NUP205: variants seen among roughly 807,000 people sequenced by gnomAD.
The protein encoded by NUP205 is nucleoporin 205.
Under a neutral mutation model 253.8 loss-of-function variants are expected in NUP205, and 76 were observed. The ratio of observed to expected loss-of-function variants is 0.30; its 90% CI spans 0.25 to 0.36. The LOEUF (loss-of-function observed/expected upper bound fraction) is 0.36. Ranked by LOEUF, NUP205 falls within the 10% of genes least tolerant of loss-of-function variation. The probability of loss-of-function intolerance (pLI) is 1.00; values close to 1 mark genes in which losing one functional copy is unlikely to be tolerated. For missense variants in NUP205, 2,162 were observed against 2,425.5 expected, an observed-to-expected ratio of 0.89 and a Z score of 2.28; for synonymous variants, 832 against 850.1, an observed-to-expected ratio of 0.98 and a Z score of 0.37.
Position 135,618,564 on chromosome 7 carries a change from A to G in NUP205, c.3924A>G (p.Gln1308=). The G allele has an allele frequency of 6.2e-7, 1 of 1,611,476 alleles. No homozygotes were observed. The highest frequency in any genetic ancestry group is 8.5e-7 in the Non-Finnish European group (1 of 1,178,738). The change falls in exon 28 of 43, where the codon CAA becomes CAG. Residue 1308 remains glutamine, a synonymous_variant. Coordinates refer to ENST00000285968, the MANE Select transcript of NUP205 (RefSeq NM_015135.3). ...ACCTCATTCAGGCAGAGGATCGACA[A>G]CTGATTATTCGTGATATTTTACAAG... The part of the protein sequence containing the change: ...PQDLIQAEDR[Q]LIIRDILQDV...
At chr7:135,606,938 A>AC in intron 21 of NUP205, 23 bp downstream of exon 21, 1 of 1,601,420 alleles carries the variant, frequency 6.2e-7, no homozygotes, top group Non-Finnish European at 8.5e-7. Flanking sequence ...ACATAAAGGC[A>AC]TTTCTTTCCT....
chr7:135,566,617 G>A (rs761930515), intron 1 of NUP205, among the ~76,000 whole-genome samples: 2 of 152,124 alleles, frequency 1.3e-5, no homozygotes, highest in African/African-American at 2.4e-5. Context: ...AAGACCTGAC[G>A]CTTTGCATCC....
At position 135,619,814 on chromosome 7, in the gene NUP205, C is replaced by T. The variant is rs1794437224; in HGVS notation, c.4256C>T (p.Thr1419Ile). Residue 1419 changes from threonine to isoleucine, a missense_variant, in exon 30 of 43, where the codon ACT (threonine) becomes ATT (isoleucine). Around this residue, in one of 5 missense-constraint regions of NUP205, gnomAD observed 1,144 missense variants for 1,280.9 expected, o/e 0.89. Transcript: ENST00000285968. Reference sequence around the variant, plus strand: ...GGTGGTGGATTCCAACGAGTGAGGACTCACTTGTATGGCTCTCTGCTTTAT... The same window carrying T: ...GGTGGTGGATTCCAACGAGTGAGGATTCACTTGTATGGCTCTCTGCTTTAT... ...KTGGGFQRVRTHLYGSLLYYL... is the reference protein window; with the variant it reads ...KTGGGFQRVRIHLYGSLLYYL... 6.2e-7 allele frequency: 1 copy of T among 1,613,298 alleles called. No homozygotes were observed. The highest frequency in any genetic ancestry group is 1.7e-5 in the Admixed American group (1 of 59,914).
chr7:135,574,384 G>T (rs2129489798), intron 3 of NUP205, among the ~76,000 whole-genome samples: 1 of 152,264 alleles, frequency 6.6e-6, no homozygotes, highest in Admixed American at 6.5e-5. Flanking sequence ...ATATAGAGAG[G>T]TGGAGGCTGG....
intron 1 of NUP205, among the ~76,000 whole-genome samples, chr7:135,561,329 G>A (rs1197949970): frequency 6.6e-6 from 1 of 152,138 alleles, no homozygotes; most frequent in Non-Finnish European, 1.5e-5. Flanking sequence ...AGGCAACAGA[G>A]CGAGACTCTG....
chr7:135,610,529 G>A (rs988788758), intron 22 of NUP205, among the ~76,000 whole-genome samples: 1 of 152,064 alleles, frequency 6.6e-6, no homozygotes, highest in African/African-American at 2.4e-5. Context: ...CATAACATAT[G>A]CTCTGTGACC....
chr7:135,604,362 A>G lies in NUP205; in HGVS notation c.2725A>G (p.Asn909Asp). The G allele has an allele frequency of 6.2e-7, 1 of 1,611,748 alleles. No individual in the cohort carries two copies. Among genetic ancestry groups the G allele is most frequent in the Non-Finnish European group, 8.5e-7 (1 of 1,178,992 alleles). The change falls in exon 19 of 43, where the codon AAT (asparagine) becomes GAT (aspartate). Residue 909 changes from asparagine (N) to aspartate (D), a missense_variant. Around this residue, in one of 5 missense-constraint regions of NUP205, gnomAD observed 892 missense variants for 957.1 expected, o/e 0.93. Transcript: ENST00000285968. The part of the protein sequence containing the change: ...IARYLYHGNT[N>D]PELAFESAKI... ...AAGATACCTATATCATGGCAATACT[A>G]ATCCAGAATTGGCTTTTGAAAGTGC...
intron 28 of NUP205, 114 bp from the exon 29 acceptor site, chr7:135,619,309 T>C (rs1794424337): frequency 1.7e-6 from 2 of 1,143,140 alleles, no homozygotes; most frequent in Admixed American, 4.5e-5. Context: ...GCTACTGCAC[T>C]CCAGCCTCGG....
intron 1 of NUP205, among the ~76,000 whole-genome samples, chr7:135,569,275 G>A (rs1031064690): frequency 3.9e-5 from 6 of 152,126 alleles, no homozygotes; most frequent in Non-Finnish European, 8.8e-5. Context: ...GTTTCACCAT[G>A]TAGGCCAGGC....
intron 7 of NUP205, 28 bp downstream of exon 7, chr7:135,578,943 T>C (rs1470220963): frequency 6.4e-7 from 1 of 1,555,560 alleles, no homozygotes; most frequent in Non-Finnish European, 8.7e-7. Flanking sequence ...AATTTTGTTA[T>C]GAGAAACAGC....
rs767041188 is a variant in NUP205 at position 135,619,425 on chromosome 7, A to G, written c.3966A>G (p.Ile1322Met). Residue 1322 changes from isoleucine to methionine, a missense_variant and splice_region_variant, in exon 29 of 43, where the codon ATA becomes ATG. Coordinates refer to ENST00000285968, the MANE Select transcript of NUP205 (RefSeq NM_015135.3). ...CTAATTTGCCCTTGTCCTTTAAGAT[A>G]CTGGATGATGAAGCTGCGCAAGAGT... is the stretch of plus-strand genomic sequence containing the variant. ...RDILQDVHDK[I>M]LDDEAAQELM... The G allele has an allele frequency of 1.9e-6, 3 of 1,612,232 alleles. No individual in the cohort carries two copies. In the East Asian group the frequency reaches 6.7e-5, roughly 36 times the overall value.
chr7:135,600,994 A>G, intron 16 of NUP205, 25 bp downstream of exon 16: 1 of 1,261,338 alleles, frequency 7.9e-7, no homozygotes, highest in Non-Finnish European at 1.2e-6. Flanking sequence ...TCACTTTCAA[A>G]CAAGTTGTCA....
In NUP205 at chr7:135,576,966, C is replaced by T. The variant is rs1299524286; in HGVS notation, c.489-3C>T. 7 of 1,603,950 alleles carry T rather than the reference C, an allele frequency of 4.4e-6. No individual in the cohort carries two copies. The highest frequency in any genetic ancestry group is 1.8e-5 in the Admixed American group (1 of 56,560). On this transcript the variant is annotated splice_region_variant and splice_polypyrimidine_tract_variant and intron_variant, in intron 4 of 42. Coordinates refer to ENST00000285968, the MANE Select transcript of NUP205 (RefSeq NM_015135.3). ...GTAGTTTATTGATTTCTTTTCATTA[C>T]AGTCCAGAGCTGGCTTCCATGACAA...
At chr7:135,565,573 C>T (rs1805732740) in intron 1 of NUP205, among the ~76,000 whole-genome samples, 1 of 152,018 alleles carries the variant, frequency 6.6e-6, no homozygotes, top group Non-Finnish European at 1.5e-5. Context: ...GCTGGGATTA[C>T]AGGCACCTGC....
intron 34 of NUP205, among the ~76,000 whole-genome samples, chr7:135,629,692 A>C (rs910988237): frequency 6.6e-6 from 1 of 151,928 alleles, no homozygotes; most frequent in African/African-American, 2.4e-5. Flanking sequence ...GCATCTGACT[A>C]ATTTTTGTAT....
At chr7:135,625,090 C>A in intron 31 of NUP205, 74 bp from the exon 32 acceptor site, 1 of 1,076,674 alleles carries the variant, frequency 9.3e-7, no homozygotes, top group Non-Finnish European at 1.4e-6. Flanking sequence ...TATCTGATGT[C>A]AGATAAATTC....
intron 10 of NUP205, among the ~76,000 whole-genome samples, chr7:135,589,489 T>C (rs1342110928): frequency 1.3e-5 from 2 of 151,114 alleles, no homozygotes; most frequent in Non-Finnish European, 3.0e-5. Flanking sequence ...GGTTTCTCCA[T>C]GTTGGTCAGG....
chr7:135,600,860 C>T lies in NUP205; in HGVS notation c.2275-10C>T. The T allele has an allele frequency of 6.4e-7, 1 of 1,561,770 alleles. No individual in the cohort carries two copies. The highest frequency in any genetic ancestry group is 8.8e-7 in the Non-Finnish European group (1 of 1,134,208). The stretch of plus-strand genomic sequence containing the variant: ...TTTATTGTTATTGACCTATTTATAT[C>T]TTTCTATAGTGGGAAGTTGCTGAGG... On this transcript the variant is annotated splice_polypyrimidine_tract_variant and intron_variant, in intron 15 of 42. Coordinates refer to ENST00000285968, the MANE Select transcript of NUP205 (RefSeq NM_015135.3).
chr7:135,571,247 G>T lies in NUP205; in HGVS notation c.171G>T (p.Pro57=), dbSNP rs148030451. The T allele has an allele frequency of 2.2e-6, 3 of 1,388,160 alleles. No homozygotes were observed. Among genetic ancestry groups the T allele is most frequent in the South Asian group, 1.9e-5 (1 of 52,652 alleles). 86.0% of individuals were successfully genotyped at this position (1,388,160 alleles called of 1,614,324 possible). A position where few individuals can be genotyped will look rare whatever the true frequency, so the allele number is the denominator to read the frequency against. Residue 57 remains proline (P), a splice_region_variant and synonymous_variant, in exon 2 of 43, where the codon CCG becomes CCT. Coordinates refer to ENST00000285968, the MANE Select transcript of NUP205 (RefSeq NM_015135.3). ...KPDFISLFKN[P]PKNVQQHEKV... ...ACTTCATCTCATTGTTCAAAAATCC[G>T]GTAAGAAATTTTCTTTTTCAGTTTT...
Sources: gnomAD v4.1 joint callset for allele counts (sites outside exome capture counted in the v4.1 genomes callset) on GRCh38, gnomAD v4.1.1 for gene constraint, gnomAD v4.1.1 regional missense constraint, MANE v1.5 for transcripts, NCBI Gene and HGNC (gene_info 2026-07-23, HGNC 2026-07-21) for gene names.